Variants in DST observed in about 807,000 individuals in gnomAD.
The protein encoded by DST is dystonin, also known as bullous pemphigoid antigen.
DST carries 253 observed loss-of-function variants against 875.2 expected under a neutral mutation model. The observed-to-expected ratio is 0.29, with a 90% CI of 0.26 to 0.32. DST has a LOEUF of 0.32. Among genes scored for constraint, DST ranks in the 10% least tolerant of loss-of-function variants. DST has a pLI of 1.00. For synonymous variants in DST, 3,124 were observed against 3,197.1 expected (o/e 0.98, Z 0.77); for missense variants, 8,287 against 9,111.6 (o/e 0.91, Z 3.68).
In DST at chr6:56,642,648, G is replaced by A. The variant is rs141587299; in HGVS notation, c.1779-145C>T. ...TGTGTCCATCAAAGGATTCACTGCC[G>A]AAGCTAATGCAAGAGTTGATCAGTG... is the stretch of plus-strand genomic sequence containing the variant. On this transcript the variant is annotated intron_variant, in intron 15 of 103. Coordinates refer to ENST00000680361, the MANE Select transcript of DST (RefSeq NM_001374736.1). 1.1e-5 allele frequency: 17 copies of A among 1,613,970 alleles called. No individual in the cohort carries two copies. The highest frequency in any genetic ancestry group is 2.2e-5 in the East Asian group (1 of 44,876).
At chr6:56,918,636 A>C (rs943015110) in intron 2 of DST, among the ~76,000 whole-genome samples, 2 of 152,244 alleles carry the variant, frequency 1.3e-5, no homozygotes, top group African/African-American at 4.8e-5. Context: ...TGTCTCTAAA[A>C]ATGTACCAAA....
rs753178315 is a variant in DST at position 56,619,144 on chromosome 6, T to G, written c.4930-4660A>C. ...CTGTTTTTGTCTGTTTATGCAAGTG[T>G]TCATTTGTGCTGCGTAGCTGATCTT... On this transcript the variant is annotated intron_variant, in intron 36 of 103. Coordinates refer to ENST00000680361, the MANE Select transcript of DST (RefSeq NM_001374736.1). 3.4e-5 allele frequency: 55 copies of G among 1,613,906 alleles called. No individual in the cohort carries two copies. Among genetic ancestry groups the G allele is most frequent in the Non-Finnish European group, 4.4e-5 (52 of 1,180,014 alleles).
intron 9 of DST, among the ~76,000 whole-genome samples, chr6:56,674,819 T>C (rs1019739675): frequency 6.6e-6 from 1 of 152,172 alleles, no homozygotes; most frequent in Non-Finnish European, 1.5e-5. Context: ...TTAACACTGT[T>C]AAAATGTCCA....
chr6:56,496,187 T>G (rs906089364), intron 82 of DST, among the ~76,000 whole-genome samples: 2 of 152,332 alleles, frequency 1.3e-5, no homozygotes, highest in East Asian at 3.9e-4. Context: ...GAACTTCTAG[T>G]GCTGAATTAC....
chr6:56,631,990 T>C lies in DST; in HGVS notation c.3856A>G (p.Ile1286Val), dbSNP rs752523723. ...TCACAGTTCTCTAACCGAAGTCTAA[T>C]GTTTCGAACTTCAGAGATGTAGAGA... ...YNLYISEVRN[I>V]RLRLENCEDR... Residue 1286 changes from isoleucine to valine, a missense_variant, in exon 29 of 104, where the codon ATT becomes GTT. Around this residue, in one of 10 missense-constraint regions of DST, gnomAD observed 3,138 missense variants for 3,116.6 expected, o/e 1.01. Coordinates refer to ENST00000680361, the MANE Select transcript of DST (RefSeq NM_001374736.1). The C allele has an allele frequency of 1.2e-5, 19 of 1,613,672 alleles. No homozygotes were observed. The East Asian group carries it at 1.3e-4, about 11-fold the overall frequency.
At chr6:56,773,633 G>C (rs768386992) in intron 4 of DST, among the ~76,000 whole-genome samples, 11 of 152,174 alleles carry the variant, frequency 7.2e-5, no homozygotes, top group Non-Finnish European at 1.5e-4. Context: ...TGCCATGTGA[G>C]TATGTGGGCC....
intron 36 of DST, among the ~76,000 whole-genome samples, chr6:56,621,513 C>T (rs1488244231): frequency 6.6e-6 from 1 of 151,896 alleles, no homozygotes; most frequent in Non-Finnish European, 1.5e-5. Context: ...TTGACAAGCA[C>T]CTTTAAATAC....
intron 74 of DST, 111 bp downstream of exon 74, chr6:56,509,531 T>C (rs1562456465): frequency 3.9e-6 from 3 of 773,756 alleles, no homozygotes; most frequent in East Asian, 2.7e-5. Context: ...CACATCACAT[T>C]TGTAGTATCT....
chr6:56,782,671 C>T (rs555898532), intron 4 of DST, among the ~76,000 whole-genome samples: 1 of 152,236 alleles, frequency 6.6e-6, no homozygotes, highest in African/African-American at 2.4e-5. Flanking sequence ...TTTCAAAAAA[C>T]CAGCTCCTGG....
At chr6:56,660,274 C>G (rs2099032256) in intron 10 of DST, among the ~76,000 whole-genome samples, 1 of 152,150 alleles carries the variant, frequency 6.6e-6, no homozygotes, top group African/African-American at 2.4e-5. Context: ...TCAGCCTTTG[C>G]TGGCAAAATA....
chr6:56,502,532 A>G (rs924859729), intron 78 of DST, among the ~76,000 whole-genome samples: 1 of 152,114 alleles, frequency 6.6e-6, no homozygotes, highest in Non-Finnish European at 1.5e-5. Context: ...AAGACCAGTA[A>G]GACCACTGAG....
rs182506058 is a variant in DST, at chr6:56,800,780, A to G, written c.625+50617T>C. On this transcript the variant is annotated intron_variant, in intron 4 of 103. Coordinates refer to ENST00000680361, the MANE Select transcript of DST (RefSeq NM_001374736.1). ...ACGCCTGTAATCCCAGCACTTTGGG[A>G]GGCTGAGGTGGGAGGACTGCTTGAG... 7.6e-3 allele frequency among the ~76,000 whole-genome samples: 1,150 copies of G among 152,292 alleles called. 5 individuals are homozygous for G. Among genetic ancestry groups the G allele is most frequent in the South Asian group, 0.013 (65 of 4,824 alleles).
chr6:56,477,693 T>C (rs916816991), intron 90 of DST, among the ~76,000 whole-genome samples: 1 of 152,186 alleles, frequency 6.6e-6, no homozygotes, highest in South Asian at 2.1e-4. Context: ...AAAATACAAG[T>C]ACAGTCATCC....
chr6:56,615,305 G>A (rs2098602567), intron 36 of DST: 2 of 1,367,990 alleles, frequency 1.5e-6, no homozygotes, highest in South Asian at 1.7e-5. Context: ...CATTCTCAAG[G>A]CTAAATGAAA....
At chr6:56,668,458 G>A (rs1402535074) in intron 10 of DST, among the ~76,000 whole-genome samples, 3 of 152,204 alleles carry the variant, frequency 2.0e-5, no homozygotes, top group South Asian at 2.1e-4. Flanking sequence ...GGTGGCTCAC[G>A]CAGCCAAGCA....
At chr6:56,552,109 G>A (rs2097335426) in intron 61 of DST, 75 bp downstream of exon 61, 1 of 1,445,996 alleles carries the variant, frequency 6.9e-7, no homozygotes, top group Admixed American at 2.3e-5. Context: ...CTACAAAATA[G>A]GCAATCTCCT....
intron 55 of DST, 135 bp from the exon 56 acceptor site, chr6:56,562,335 G>T (rs1356016238): frequency 4.1e-6 from 2 of 490,682 alleles, no homozygotes; most frequent in Non-Finnish European, 7.0e-6. Flanking sequence ...TCAAATGAAG[G>T]TCCAAAATGT....
chr6:56,836,968 T>A (rs1250167261), intron 4 of DST, among the ~76,000 whole-genome samples: 1 of 152,092 alleles, frequency 6.6e-6, no homozygotes, highest in East Asian at 1.9e-4. Flanking sequence ...CCATATATAT[T>A]TACCTTTTAA....
chr6:56,942,245 T>C (rs866369173), intron 2 of DST, among the ~76,000 whole-genome samples: 43 of 152,328 alleles, frequency 2.8e-4, no homozygotes, highest in Middle Eastern at 3.4e-3. Flanking sequence ...AGCATATAGT[T>C]AGGCCCTGCT....
Sources: gnomAD v4.1 joint callset for allele counts (sites outside exome capture counted in the v4.1 genomes callset) on GRCh38, gnomAD v4.1.1 for gene constraint, gnomAD v4.1.1 regional missense constraint, MANE v1.5 for transcripts, NCBI Gene and HGNC (gene_info 2026-07-23, HGNC 2026-07-21) for gene names.